KCNK10: variants seen among roughly 807,000 people sequenced by gnomAD.
KCNK10 encodes the protein potassium two pore domain channel subfamily K member 10.
KCNK10 carries 25 observed loss-of-function variants against 47.7 expected under a neutral mutation model. The ratio of observed to expected loss-of-function variants is 0.52; its 90% CI spans 0.38 to 0.73. The LOEUF (loss-of-function observed/expected upper bound fraction) is 0.73. Among genes scored for constraint, KCNK10 ranks in the 30% least tolerant of loss-of-function variants. KCNK10 has a pLI of 0.00. For missense variants in KCNK10, 563 were observed against 714.5 expected (o/e 0.79, Z 2.42); for synonymous variants, 303 against 285.6 (o/e 1.06, Z -0.61).
At chr14:88,190,745 C>A (rs1265066576) in intron 5 of KCNK10, among the ~76,000 whole-genome samples, 3 of 152,166 alleles carry the variant, frequency 2.0e-5, no homozygotes, top group Non-Finnish European at 4.4e-5. Context: ...CAGTCTTTGT[C>A]TGCCCAATTG....
upstream of KCNK10, chr14:88,323,297 G>C (rs1595137773): frequency 5.1e-6 from 5 of 984,880 alleles, no homozygotes; most frequent in Non-Finnish European, 6.0e-6. Context: ...TCGCTCGGCC[G>C]CGCTGAGCGC....
At position 88,192,206 on chromosome 14, in the gene KCNK10, C is replaced by A. The variant is rs373156551; in HGVS notation, c.868+18G>T. 43 of 1,596,086 alleles carry A rather than the reference C, an allele frequency of 2.7e-5. No individual in the cohort carries two copies. The highest frequency in any genetic ancestry group is 3.5e-5 in the Non-Finnish European group (41 of 1,169,934). On this transcript the variant is annotated intron_variant, in intron 5 of 6. Coordinates refer to ENST00000319231, the MANE Select transcript of KCNK10 (RefSeq NM_138317.3). ...TTCCCGCCAGAGCCCCAGTGCCTGG[C>A]CTGCCCAGGGTGCTTACCTGCCACA... is the stretch of plus-strand genomic sequence containing the variant.
rs993499428 is a variant in KCNK10, at chr14:88,260,857, C to T, written c.402+2345G>A. Reference sequence around the variant, plus strand: ...TCACACAAACGCACACATACACACACATATCTCATTTCACAGAGAAATCTT... The same window carrying T: ...TCACACAAACGCACACATACACACATATATCTCATTTCACAGAGAAATCTT... On this transcript the variant is annotated intron_variant, in intron 2 of 6. Transcript: ENST00000319231. The surrounding 1 kb of genome is among the most constrained non-coding windows in gnomAD (Gnocchi z 4.5). 1.3e-4 allele frequency among the ~76,000 whole-genome samples: 20 copies of T among 152,320 alleles called. No homozygotes were observed. The highest frequency in any genetic ancestry group is 4.1e-4 in the African/African-American group (17 of 41,572).
chr14:88,293,633 A>C (rs1887924094), intron 1 of KCNK10, among the ~76,000 whole-genome samples: 1 of 151,614 alleles, frequency 6.6e-6, no homozygotes, highest in African/African-American at 2.4e-5. Context: ...AATACCTCCA[A>C]ACTAGCATAC....
chr14:88,227,894 A>C (rs192553958), intron 3 of KCNK10, among the ~76,000 whole-genome samples: 10 of 152,186 alleles, frequency 6.6e-5, no homozygotes, highest in Admixed American at 2.6e-4. Context: ...TCACCACTGC[A>C]CTTATTAGAT....
chr14:88,235,585 A>G (rs1453982694), intron 3 of KCNK10, among the ~76,000 whole-genome samples: 6 of 152,182 alleles, frequency 3.9e-5, no homozygotes, highest in African/African-American at 1.4e-4. Flanking sequence ...ATTGATCACA[A>G]AAACAAAAAA....
At chr14:88,300,678 C>G (rs1013320019) in intron 1 of KCNK10, among the ~76,000 whole-genome samples, 1 of 152,098 alleles carries the variant, frequency 6.6e-6, no homozygotes, top group African/African-American at 2.4e-5. Flanking sequence ...GGACAATGAA[C>G]CTGGCTCATC....
intron 4 of KCNK10, among the ~76,000 whole-genome samples, chr14:88,214,314 A>G (rs1287574911): frequency 6.6e-6 from 1 of 152,168 alleles, no homozygotes; most frequent in East Asian, 1.9e-4. Context: ...AATGCTTTGG[A>G]GGACAAGGCC....
intron 4 of KCNK10, among the ~76,000 whole-genome samples, chr14:88,199,696 G>A (rs557302865): frequency 5.1e-4 from 77 of 152,258 alleles, no homozygotes; most frequent in Admixed American, 1.2e-3. Context: ...CCCAGAACAC[G>A]TAAAAGAGAA....
At chr14:88,253,974 G>A (rs56089014) in intron 2 of KCNK10, among the ~76,000 whole-genome samples, 2,149 of 152,248 alleles carry the variant, frequency 0.014, 23 homozygotes, top group Non-Finnish European at 0.019. Context: ...AACATAAAGA[G>A]TCACTGGACC....
chr14:88,263,562 A>T lies in KCNK10; in HGVS notation c.53-11T>A. The T allele has an allele frequency of 6.2e-7, 1 of 1,602,926 alleles. No individual in the cohort carries two copies. The highest frequency in any genetic ancestry group is 8.5e-7 in the Non-Finnish European group (1 of 1,175,484). Reference sequence around the variant, plus strand: ...CTGCGGGAACGGCCACTGAGGAGTCAGGGTGGGGGACAAAGAAGAAGAGAG... The same window carrying T: ...CTGCGGGAACGGCCACTGAGGAGTCTGGGTGGGGGACAAAGAAGAAGAGAG... On this transcript the variant is annotated splice_polypyrimidine_tract_variant and intron_variant, in intron 1 of 6. Transcript: ENST00000319231.
chr14:88,325,779 C>T (rs1175132976), upstream of KCNK10, among the ~76,000 whole-genome samples: 3 of 152,182 alleles, frequency 2.0e-5, no homozygotes, highest in Admixed American at 2.0e-4. Context: ...ATTCCTGTGG[C>T]AGGAACTGCA....
At chr14:88,242,052 T>G (rs1254414796) in intron 2 of KCNK10, among the ~76,000 whole-genome samples, 1 of 152,216 alleles carries the variant, frequency 6.6e-6, no homozygotes, top group Non-Finnish European at 1.5e-5. Flanking sequence ...AGGAGCTACT[T>G]CTAGAACAAC....
chr14:88,262,873 C>T (rs1887149588), intron 2 of KCNK10, among the ~76,000 whole-genome samples: 1 of 152,188 alleles, frequency 6.6e-6, no homozygotes, highest in Non-Finnish European at 1.5e-5. Flanking sequence ...CGGGTTCTAT[C>T]CCAGCATTCC....
At chr14:88,311,810 CA>C (rs1888334880) in intron 1 of KCNK10, among the ~76,000 whole-genome samples, 2 of 151,630 alleles carry the variant, frequency 1.3e-5, no homozygotes, top group Non-Finnish European at 1.5e-5. Context: ...GTGTAGAAAC[CA>C]CCCTGAAAGT....
At chr14:88,282,138 T>C (rs950303551) in intron 1 of KCNK10, among the ~76,000 whole-genome samples, 1 of 152,198 alleles carries the variant, frequency 6.6e-6, no homozygotes, top group Non-Finnish European at 1.5e-5. Context: ...AAGAAGAAGA[T>C]GTTTGTTATA....
At chr14:88,325,516 G>T (rs549470306), upstream of KCNK10, among the ~76,000 whole-genome samples, 1 of 152,216 alleles carries the variant, frequency 6.6e-6, no homozygotes, top group South Asian at 2.1e-4. Context: ...CATTCCCAAG[G>T]TCACGATATG....
chr14:88,186,329 C>T lies in KCNK10; in HGVS notation c.1012-174G>A, dbSNP rs1243577787. On this transcript the variant is annotated intron_variant, in intron 6 of 6. Coordinates refer to ENST00000319231, the MANE Select transcript of KCNK10 (RefSeq NM_138317.3). The surrounding 1 kb of genome is among the most constrained non-coding windows in gnomAD (Gnocchi z 5.5). ...CCTAGTACTTCTGCCACCTGGACAC[C>T]CATCCCTAATTGGCTAGTAAATAAG... Among the ~76,000 whole-genome samples, 1 of 152,172 alleles carries T rather than the reference C, an allele frequency of 6.6e-6. No individual in the cohort carries two copies. Among genetic ancestry groups the T allele is most frequent in the East Asian group, 1.9e-4 (1 of 5,178 alleles).
chr14:88,211,698 C>A (rs1215626932), intron 4 of KCNK10, among the ~76,000 whole-genome samples: 1 of 151,632 alleles, frequency 6.6e-6, no homozygotes, highest in Admixed American at 6.6e-5. Flanking sequence ...AAGTTTGAGA[C>A]CAGCCTGGAC....
Sources: gnomAD v4.1 joint callset for allele counts (sites outside exome capture counted in the v4.1 genomes callset) on GRCh38, gnomAD v4.1.1 for gene constraint, Gnocchi (gnomAD v3.1) non-coding constraint, MANE v1.5 for transcripts, NCBI Gene and HGNC (gene_info 2026-07-23, HGNC 2026-07-21) for gene names.